The following ACVR2A variants were observed in gnomAD, a reference collection of about 807,000 sequenced individuals.
ACVR2A encodes the protein activin receptor type-2A.
Under a neutral mutation model 61.4 loss-of-function variants are expected in ACVR2A, and 7 were observed. The ratio of observed to expected loss-of-function variants is 0.11; its 90% confidence interval spans 0.06 to 0.21. ACVR2A has a LOEUF of 0.21. ACVR2A is among the 10% of genes least tolerant of loss of function. The pLI is 1.00. For synonymous variants in ACVR2A, 193 were observed against 208.3 expected, an observed-to-expected ratio of 0.93 and a Z score of 0.63; for missense variants, 322 against 621.7, an observed-to-expected ratio of 0.52 and a Z score of 5.13.
At chr2:147,867,484 C>T (rs975824485) in intron 1 of ACVR2A, among the ~76,000 whole-genome samples, 8 of 152,050 alleles carry the variant, frequency 5.3e-5, no homozygotes, top group African/African-American at 1.9e-4. Context: ...CCATGTGTTT[C>T]TTGAGTCTAT....
intron 2 of ACVR2A, among the ~76,000 whole-genome samples, chr2:147,898,562 A>G (rs1373495987): frequency 6.6e-6 from 1 of 152,068 alleles, no homozygotes; most frequent in Non-Finnish European, 1.5e-5. Flanking sequence ...TCAGCTTTTC[A>G]CTTAAGAATT....
At chr2:147,918,628 A>G in intron 7 of ACVR2A, 36 bp downstream of exon 7, 1 of 1,559,358 alleles carries the variant, frequency 6.4e-7, no homozygotes, top group East Asian at 2.3e-5. Context: ...CAGATAATTG[A>G]GTATATATTT....
intron 1 of ACVR2A, among the ~76,000 whole-genome samples, chr2:147,869,461 G>A (rs1252615698): frequency 6.6e-6 from 1 of 152,160 alleles, no homozygotes; most frequent in African/African-American, 2.4e-5. Flanking sequence ...GTTGTGGAAG[G>A]AAATCCAGGG....
At chr2:147,854,464 G>T (rs1423119655) in intron 1 of ACVR2A, among the ~76,000 whole-genome samples, 1 of 152,092 alleles carries the variant, frequency 6.6e-6, no homozygotes. Context: ...AAAACACAAA[G>T]CTATTCAATG....
chr2:147,864,708 G>A (rs913208045), intron 1 of ACVR2A, among the ~76,000 whole-genome samples: 1 of 151,964 alleles, frequency 6.6e-6, no homozygotes, highest in African/African-American at 2.4e-5. Flanking sequence ...TTTAAGGGAT[G>A]GAATTTATAG....
chr2:147,850,943 A>C (rs1685430810), intron 1 of ACVR2A, among the ~76,000 whole-genome samples: 1 of 152,088 alleles, frequency 6.6e-6, no homozygotes, highest in Non-Finnish European at 1.5e-5. Flanking sequence ...CTTCATATGG[A>C]TAGTGATCAA....
intron 1 of ACVR2A, among the ~76,000 whole-genome samples, chr2:147,893,541 T>G (rs183149838): frequency 6.0e-4 from 92 of 152,322 alleles, no homozygotes; most frequent in African/African-American, 2.1e-3. Flanking sequence ...ATACTTGATA[T>G]TGTCCGTTTG....
In ACVR2A at chr2:147,896,379, C is replaced by G. The variant is rs775992985; in HGVS notation, c.134C>G (p.Thr45Ser). 1.9e-6 allele frequency: 3 copies of G among 1,613,842 alleles called. No homozygotes were observed. In the African/African-American group the frequency reaches 4.0e-5, roughly 22 times the overall value. ...TGGGAAAAAGACAGAACCAATCAAA[C>G]TGGTGTTGAACCGTGTTATGGTGAC... ...ANWEKDRTNQ[T>S]GVEPCYGDKD... The change falls in exon 2 of 11, where the codon ACT becomes AGT. Residue 45 changes from threonine (T) to serine (S), a missense_variant. This residue lies in a region of ACVR2A where 142 missense variants were observed against 200.3 expected (regional missense o/e 0.71). Coordinates refer to ENST00000241416, the MANE Select transcript of ACVR2A (RefSeq NM_001616.5).
At chr2:147,875,598 T>TTGATGGAGGTTGTG (rs1167304262) in intron 1 of ACVR2A, among the ~76,000 whole-genome samples, 24 of 152,202 alleles carry the variant, frequency 1.6e-4, no homozygotes, top group African/African-American at 5.8e-4. Context: ...TTTGATGATT[T>TTGATGGAGGTTGTG]TGATGGAGGT....
At chr2:147,881,641 GTA>G (rs1361056901) in intron 1 of ACVR2A, among the ~76,000 whole-genome samples, 5,521 of 29,902 alleles carry the variant, frequency 0.18, 402 homozygotes, top group East Asian at 0.46. Context: ...GTGTGTGTGT[GTA>G]TGTGTGTGTG....
At chr2:147,859,489 C>CCA (rs560107812) in intron 1 of ACVR2A, among the ~76,000 whole-genome samples, 1 of 91,488 alleles carries the variant, frequency 1.1e-5, no homozygotes, top group African/African-American at 4.0e-5. Flanking sequence ...TCACCACAGA[C>CCA]AAAAAAAAAA....
chr2:147,912,596 G>T (rs1262885564), intron 4 of ACVR2A, among the ~76,000 whole-genome samples: 1 of 151,694 alleles, frequency 6.6e-6, no homozygotes, highest in African/African-American at 2.4e-5. Flanking sequence ...ATTTTTTTGT[G>T]AATAAATTAC....
intron 4 of ACVR2A, among the ~76,000 whole-genome samples, chr2:147,909,758 C>T (rs1364713504): frequency 6.6e-6 from 1 of 152,168 alleles, no homozygotes; most frequent in Non-Finnish European, 1.5e-5. Flanking sequence ...CCTCCTCAGA[C>T]ATCCGAGTAG....
intron 1 of ACVR2A, among the ~76,000 whole-genome samples, chr2:147,871,528 T>C (rs1686018338): frequency 6.6e-6 from 1 of 152,120 alleles, no homozygotes; most frequent in Non-Finnish European, 1.5e-5. Context: ...TATAAAATTA[T>C]AAGTACATTT....
At chr2:147,889,084 T>A (rs1486324066) in intron 1 of ACVR2A, among the ~76,000 whole-genome samples, 2 of 152,192 alleles carry the variant, frequency 1.3e-5, no homozygotes, top group Non-Finnish European at 2.9e-5. Flanking sequence ...TTTTTCACTT[T>A]TAGTCTGTTG....
chr2:147,879,034 A>G (rs754663250), intron 1 of ACVR2A, among the ~76,000 whole-genome samples: 2 of 152,216 alleles, frequency 1.3e-5, no homozygotes, highest in Non-Finnish European at 2.9e-5. Context: ...AGTAGACCAT[A>G]TGGTAAATGT....
At chr2:147,901,656 G>A (rs1686874037) in intron 4 of ACVR2A, among the ~76,000 whole-genome samples, 2 of 151,928 alleles carry the variant, frequency 1.3e-5, no homozygotes, top group Admixed American at 6.6e-5. Context: ...ATATGAATTT[G>A]TATGAATTTC....
intron 4 of ACVR2A, among the ~76,000 whole-genome samples, chr2:147,904,476 T>G (rs1471369033): frequency 1.3e-5 from 2 of 152,048 alleles, no homozygotes; most frequent in South Asian, 4.1e-4. Flanking sequence ...TAGCTTCTTG[T>G]TTACTTTTAA....
chr2:147,893,138 A>G (rs1686631605), intron 1 of ACVR2A, among the ~76,000 whole-genome samples: 1 of 152,114 alleles, frequency 6.6e-6, no homozygotes, highest in African/African-American at 2.4e-5. Context: ...TTTCCAGAAT[A>G]TTATGTAAAT....
Sources: gnomAD v4.1 joint callset for allele counts (sites outside exome capture counted in the v4.1 genomes callset) on GRCh38, gnomAD v4.1.1 for gene constraint, gnomAD v4.1.1 regional missense constraint, MANE v1.5 for transcripts, NCBI Gene and HGNC (gene_info 2026-07-23, HGNC 2026-07-21) for gene names.